The following FYTTD1 variants were observed in gnomAD, a reference collection of about 807,000 sequenced individuals.
FYTTD1 encodes the protein UAP56-interacting factor.
In FYTTD1, 22 loss-of-function variants were observed where a neutral mutation model predicts 40.9. That is an observed-to-expected ratio of 0.54 (90% CI 0.38 to 0.77). The LOEUF is 0.77. Ranked by LOEUF, FYTTD1 falls within the 30% of genes least tolerant of loss-of-function variation. The probability of loss-of-function intolerance (pLI) is 0.00; values close to 1 mark genes in which losing one functional copy is unlikely to be tolerated. For missense variants in FYTTD1, 351 were observed against 392.2 expected (o/e 0.90, Z 0.89); for synonymous variants, 140 against 137.9 (o/e 1.01, Z -0.10).
intron 2 of FYTTD1, among the ~76,000 whole-genome samples, chr3:197,759,816 GT>G (rs1446817825): frequency 1.3e-5 from 2 of 151,168 alleles, no homozygotes; most frequent in East Asian, 3.9e-4. Context: ...AACGTATAGA[GT>G]TGTTCTTCAG....
intron 4 of FYTTD1, among the ~76,000 whole-genome samples, 196 bp from the exon 5 acceptor site, chr3:197,773,207 A>C (rs1176893323): frequency 4.6e-5 from 7 of 152,242 alleles, no homozygotes; most frequent in Non-Finnish European, 5.9e-5. Flanking sequence ...ACACGTGGTT[A>C]TGTGCTATGC....
intron 2 of FYTTD1, among the ~76,000 whole-genome samples, chr3:197,757,913 T>C (rs1002373544): frequency 6.9e-6 from 1 of 145,186 alleles, no homozygotes; most frequent in African/African-American, 2.6e-5. Context: ...ATATTTAAAT[T>C]TTTTTTTGAG....
At chr3:197,756,626 T>C in intron 2 of FYTTD1, 69 bp downstream of exon 2, 5 of 1,381,028 alleles carry the variant, frequency 3.6e-6, no homozygotes, top group South Asian at 2.3e-5. Context: ...GTCTTTAGCA[T>C]ATGCTTAACG....
chr3:197,759,453 A>G (rs1416947355), intron 2 of FYTTD1, among the ~76,000 whole-genome samples: 1 of 150,922 alleles, frequency 6.6e-6, no homozygotes, highest in Non-Finnish European at 1.5e-5. Context: ...TAGAATGTAT[A>G]GAGTGTTCTT....
rs754257971 is a variant in FYTTD1, at chr3:197,749,958, C to T, written c.-14C>T. 5 of 1,549,394 alleles carry T rather than the reference C, an allele frequency of 3.2e-6. No homozygotes were observed. The African/African-American group carries it at 5.7e-5, about 18-fold the overall frequency. On this transcript the variant is annotated 5_prime_UTR_variant, in exon 1 of 9. Coordinates refer to ENST00000241502, the MANE Select transcript of FYTTD1 (RefSeq NM_032288.7). ...GCCTTGTCCGCGCCCGCTCTCGGCG[C>T]GACGTCTCCAGCCATGAACCGGTTT...
At position 197,774,131 on chromosome 3, in the gene FYTTD1, CT is replaced by C. The variant is rs762032490; in HGVS notation, c.595-9del. 226 of 1,587,926 alleles carry C rather than the reference CT, an allele frequency of 1.4e-4. No homozygotes were observed. The highest frequency in any genetic ancestry group is 2.0e-4 in the South Asian group (18 of 89,940). The stretch of plus-strand genomic sequence containing the variant: ...CCTCTGCTTTCTGTGGTACCTACTG[CT>C]TTTTTTTTCCCTTCAGGTGCAGGCC... On this transcript the variant is annotated splice_polypyrimidine_tract_variant and intron_variant, in intron 5 of 8. Coordinates refer to ENST00000241502, the MANE Select transcript of FYTTD1 (RefSeq NM_032288.7).
At chr3:197,779,078 A>G (rs750153492) in intron 8 of FYTTD1, among the ~76,000 whole-genome samples, 3 of 152,228 alleles carry the variant, frequency 2.0e-5, no homozygotes, top group South Asian at 2.1e-4. Context: ...CTGTTCGACT[A>G]TAGCCATCTA....
chr3:197,764,862 G>GC (rs145696764), intron 2 of FYTTD1, among the ~76,000 whole-genome samples: 1 of 149,800 alleles, frequency 6.7e-6, no homozygotes, highest in African/African-American at 2.5e-5. Context: ...TTTTTTTTTG[G>GC]GGGGGGAGGA....
Position 197,750,783 on chromosome 3 carries a change from T to C in FYTTD1, c.103+709T>C, listed in dbSNP as rs991973447. ...CTAATGGGGGAGAAAGCAAACATCTTTGAAGGAGAGATGATTGCTGTGGCT... is the reference window on the plus strand; with the variant it reads ...CTAATGGGGGAGAAAGCAAACATCTCTGAAGGAGAGATGATTGCTGTGGCT... On this transcript the variant is annotated intron_variant, in intron 1 of 8. Coordinates refer to ENST00000241502, the MANE Select transcript of FYTTD1 (RefSeq NM_032288.7). 128 of 985,482 alleles carry C rather than the reference T, an allele frequency of 1.3e-4. No homozygotes were observed. The African/African-American group carries it at 2.1e-3, about 16-fold the overall frequency. The allele number at this position is 985,482 out of a possible 1,614,324, so 61.0% of individuals were successfully genotyped here. A position where few individuals can be genotyped will look rare whatever the true frequency, so the allele number is the denominator to read the frequency against.
chr3:197,766,430 GGTGTGTGTGTGT>G (rs111725145), intron 2 of FYTTD1, among the ~76,000 whole-genome samples: 4 of 134,996 alleles, frequency 3.0e-5, no homozygotes, highest in Non-Finnish European at 3.1e-5. Context: ...GTTTGAGACT[GGTGTGTGTGTGT>G]GTGTGTGTGT....
intron 6 of FYTTD1, among the ~76,000 whole-genome samples, chr3:197,774,780 GCACACCATCCTGAGCAGCATAGCTCGATC>G (rs1729827280): frequency 2.6e-5 from 4 of 151,366 alleles, no homozygotes; most frequent in African/African-American, 9.7e-5. Flanking sequence ...GATGGCCAGT[GCACACCATCCTGAGCAGCATAGCTCGATC>G]GCCAGTGCAT....
intron 2 of FYTTD1, among the ~76,000 whole-genome samples, chr3:197,767,795 A>G (rs986011723): frequency 2.0e-5 from 3 of 152,240 alleles, no homozygotes; most frequent in Non-Finnish European, 2.9e-5. Flanking sequence ...ATGGAAAACC[A>G]AAGTTGGTAA....
intron 2 of FYTTD1, among the ~76,000 whole-genome samples, chr3:197,758,443 C>T (rs1304891295): frequency 1.3e-5 from 2 of 151,932 alleles, no homozygotes; most frequent in Admixed American, 6.6e-5. Flanking sequence ...AATTAATTTC[C>T]GGTGTTAGAG....
chr3:197,763,891 C>T (rs1332321481), intron 2 of FYTTD1, among the ~76,000 whole-genome samples: 7 of 152,230 alleles, frequency 4.6e-5, no homozygotes, highest in African/African-American at 1.7e-4. Context: ...AAATGTCTTT[C>T]TCTAGTTTCA....
chr3:197,759,207 G>T (rs1237700304), intron 2 of FYTTD1, among the ~76,000 whole-genome samples: 1 of 147,258 alleles, frequency 6.8e-6, no homozygotes, highest in Admixed American at 6.8e-5. Context: ...AATGTATAGA[G>T]TGTTCTTCAG....
At position 197,770,036 on chromosome 3, in the gene FYTTD1, T is replaced by C. The variant is rs1235164908; in HGVS notation, c.385-96T>C. ...TCCCTTATCTGCACATTCAAGCAGT[T>C]GTCAATCCTTGTTCATTCTGCATCT... On this transcript the variant is annotated intron_variant, in intron 3 of 8. Coordinates refer to ENST00000241502, the MANE Select transcript of FYTTD1 (RefSeq NM_032288.7). The C allele has an allele frequency of 4.2e-6, 3 of 721,300 alleles. No homozygotes were observed. In the East Asian group the frequency reaches 8.1e-5, roughly 20 times the overall value. 44.7% of individuals were successfully genotyped at this position (721,300 alleles called of 1,614,324 possible). A position where few individuals can be genotyped will look rare whatever the true frequency, so the allele number is the denominator to read the frequency against.
intron 2 of FYTTD1, among the ~76,000 whole-genome samples, chr3:197,762,883 C>CA (rs35682293): frequency 0.017 from 2,468 of 145,204 alleles, 40 homozygotes; most frequent in East Asian, 0.053. Flanking sequence ...ACTCCGTCTC[C>CA]AAAAAAAAAA....
intron 2 of FYTTD1, among the ~76,000 whole-genome samples, chr3:197,765,422 C>G (rs986540308): frequency 5.9e-4 from 90 of 152,164 alleles, no homozygotes; most frequent in African/African-American, 2.1e-3. Flanking sequence ...TGAAGGGTAG[C>G]TGTTACATTA....
intron 2 of FYTTD1, among the ~76,000 whole-genome samples, chr3:197,765,581 G>A (rs1393035647): frequency 6.6e-6 from 1 of 152,132 alleles, no homozygotes; most frequent in Non-Finnish European, 1.5e-5. Flanking sequence ...AAGACTTTAA[G>A]CCAGCCGTGG....
Sources: gnomAD v4.1 joint callset for allele counts (sites outside exome capture counted in the v4.1 genomes callset) on GRCh38, gnomAD v4.1.1 for gene constraint, MANE v1.5 for transcripts, NCBI Gene and HGNC (gene_info 2026-07-23, HGNC 2026-07-21) for gene names.